Variants in FAM120A observed in about 807,000 individuals in gnomAD.
FAM120A encodes family with sequence similarity 120 member A.
In FAM120A, 15 loss-of-function variants were observed where a neutral mutation model predicts 109.7. The ratio of observed to expected loss-of-function variants is 0.14; its 90% confidence interval spans 0.09 to 0.21. The LOEUF is 0.21. Among genes scored for constraint, FAM120A ranks in the 10% least tolerant of loss-of-function variants. The pLI is 1.00. For synonymous variants in FAM120A, 493 were observed against 572.8 expected (o/e 0.86, Z 1.99); for missense variants, 899 against 1,439.3 (o/e 0.62, Z 6.07).
chr9:93,547,206 A>C (rs1427562762), intron 11 of FAM120A, among the ~76,000 whole-genome samples: 4 of 152,212 alleles, frequency 2.6e-5, no homozygotes, highest in African/African-American at 9.6e-5. Flanking sequence ...GCTCTTGTCC[A>C]AAAGCAGCAG....
chr9:93,471,410 A>G (rs1406602460), intron 2 of FAM120A, 23 bp downstream of exon 2: 1 of 1,613,450 alleles, frequency 6.2e-7, no homozygotes, highest in Non-Finnish European at 8.5e-7. Flanking sequence ...GTGTGAAAAT[A>G]TTTTATAAGG....
intron 11 of FAM120A, among the ~76,000 whole-genome samples, chr9:93,543,897 G>A (rs760968425): frequency 2.0e-5 from 3 of 152,124 alleles, no homozygotes; most frequent in Non-Finnish European, 4.4e-5. Context: ...GATACATTTT[G>A]AGAAATGTAT....
intron 5 of FAM120A, among the ~76,000 whole-genome samples, chr9:93,508,976 C>T (rs1860194196): frequency 6.6e-6 from 1 of 152,204 alleles, no homozygotes; most frequent in Non-Finnish European, 1.5e-5. Context: ...ATGACTGATC[C>T]TAAGCTGCGG....
intron 9 of FAM120A, 27 bp downstream of exon 9, chr9:93,529,607 C>T: frequency 6.2e-7 from 1 of 1,604,868 alleles, no homozygotes; most frequent in South Asian, 1.1e-5. Context: ...CCTGGAGTGG[C>T]TTCTGTTATT....
intron 3 of FAM120A, among the ~76,000 whole-genome samples, chr9:93,495,659 G>A (rs1476234363): frequency 2.6e-5 from 4 of 152,122 alleles, no homozygotes; most frequent in Non-Finnish European, 4.4e-5. Context: ...TGCTATGATC[G>A]CTTGAGTCTA....
At chr9:93,460,869 C>T (rs541422210) in intron 1 of FAM120A, among the ~76,000 whole-genome samples, 1 of 152,304 alleles carries the variant, frequency 6.6e-6, no homozygotes, top group East Asian at 1.9e-4. Context: ...AGCTTGGCCA[C>T]CTGGTGCAGA....
intron 7 of FAM120A, among the ~76,000 whole-genome samples, chr9:93,520,127 C>T (rs533379116): frequency 2.0e-5 from 3 of 152,240 alleles, no homozygotes; most frequent in East Asian, 1.9e-4. Flanking sequence ...CTACCTCTGC[C>T]GAAAGTGCTG....
At chr9:93,544,978 A>C (rs547395290) in intron 11 of FAM120A, among the ~76,000 whole-genome samples, 1 of 152,304 alleles carries the variant, frequency 6.6e-6, no homozygotes, top group South Asian at 2.1e-4. Flanking sequence ...TTTTATCAGC[A>C]TGAACTCAGA....
At chr9:93,531,585 G>T (rs1319087923) in intron 9 of FAM120A, among the ~76,000 whole-genome samples, 1 of 152,186 alleles carries the variant, frequency 6.6e-6, no homozygotes, top group Non-Finnish European at 1.5e-5. Context: ...TTTGGTTTCT[G>T]CCCTAGTGGC....
intron 13 of FAM120A, 38 bp from the exon 14 acceptor site, chr9:93,557,788 TG>T (rs756951282): frequency 5.0e-6 from 8 of 1,589,360 alleles, no homozygotes; most frequent in Non-Finnish European, 6.0e-6. Flanking sequence ...TAAAACCCCC[TG>T]TGGATGGCAT....
rs1303330323 is a variant in FAM120A, at chr9:93,471,242, C to T, written c.576C>T (p.Cys192=). 1.9e-6 allele frequency: 3 copies of T among 1,614,032 alleles called. No homozygotes were observed. In the African/African-American group the frequency reaches 4.0e-5, roughly 22 times the overall value. Residue 192 remains cysteine (C), a synonymous_variant, in exon 2 of 18, where the codon TGC becomes TGT. Coordinates refer to ENST00000277165, the MANE Select transcript of FAM120A (RefSeq NM_014612.5). ...LVAYDSDYAL[C]NIPYYFSAHA... ...CGTATGACTCTGATTATGCACTGTGCAACATCCCCTACTATTTCAGTGCCC... is the reference window on the plus strand; with the variant it reads ...CGTATGACTCTGATTATGCACTGTGTAACATCCCCTACTATTTCAGTGCCC...
At chr9:93,559,522 G>A (rs1008206023) in intron 15 of FAM120A, among the ~76,000 whole-genome samples, 4 of 152,250 alleles carry the variant, frequency 2.6e-5, no homozygotes, top group African/African-American at 9.6e-5. Context: ...AAGGTGACTT[G>A]CAGATTTGGC....
chr9:93,518,123 A>G (rs952066079), intron 7 of FAM120A, among the ~76,000 whole-genome samples: 10 of 152,176 alleles, frequency 6.6e-5, no homozygotes, highest in Non-Finnish European at 1.3e-4. Context: ...GGTACACCCT[A>G]TAATAAGGAA....
chr9:93,453,265 A>G (rs973826941), intron 1 of FAM120A: 7 of 990,846 alleles, frequency 7.1e-6, no homozygotes, highest in Admixed American at 1.2e-4. Flanking sequence ...TCAGAGCTCT[A>G]TATCACCGGC....
chr9:93,457,930 C>T lies in FAM120A; in HGVS notation c.474+5541C>T, dbSNP rs1459704342. Among the ~76,000 whole-genome samples the T allele has an allele frequency of 2.6e-5, 4 of 152,092 alleles. No homozygotes were observed. In the South Asian group the frequency reaches 8.3e-4, roughly 32 times the overall value. On this transcript the variant is annotated intron_variant, in intron 1 of 17. Transcript: ENST00000277165. Reference sequence around the variant, plus strand: ...CTGGGGTTACTGCAATATGATGTTTCCTTAAATGCCACAATCCTCTTGGCC... The same window carrying T: ...CTGGGGTTACTGCAATATGATGTTTTCTTAAATGCCACAATCCTCTTGGCC...
chr9:93,540,361 A>G (rs75051648), intron 10 of FAM120A, among the ~76,000 whole-genome samples: 2,244 of 152,314 alleles, frequency 0.015, 68 homozygotes, highest in African/African-American at 0.05. Context: ...ATTTTCTTTG[A>G]TAAAGACATG....
chr9:93,542,720 G>A (rs1861748964), intron 10 of FAM120A, among the ~76,000 whole-genome samples: 1 of 152,148 alleles, frequency 6.6e-6, no homozygotes, highest in South Asian at 2.1e-4. Flanking sequence ...AGTTACATTT[G>A]TTGAAGTGGG....
intron 8 of FAM120A, among the ~76,000 whole-genome samples, chr9:93,527,575 C>T (rs1047601297): frequency 2.7e-5 from 4 of 150,730 alleles, no homozygotes; most frequent in South Asian, 2.1e-4. Context: ...CCCCCACCCC[C>T]CTTTTTTCTT....
At chr9:93,552,678 G>A (rs564972681) in intron 12 of FAM120A, among the ~76,000 whole-genome samples, 3 of 152,296 alleles carry the variant, frequency 2.0e-5, no homozygotes, top group African/African-American at 7.2e-5. Context: ...AGAGCTGAGG[G>A]TTCCAAAATT....
Sources: gnomAD v4.1 joint callset for allele counts (sites outside exome capture counted in the v4.1 genomes callset) on GRCh38, gnomAD v4.1.1 for gene constraint, MANE v1.5 for transcripts, NCBI Gene and HGNC (gene_info 2026-07-23, HGNC 2026-07-21) for gene names.